The following MAP2 variants were observed in gnomAD, a reference collection of about 807,000 sequenced individuals.
MAP2 encodes the protein microtubule associated protein 2.
A neutral mutation model predicts 137.6 loss-of-function variants in MAP2; 14 were observed. The ratio of observed to expected loss-of-function variants is 0.10; its 90% confidence interval spans 0.07 to 0.16. MAP2 has a LOEUF of 0.16. Ranked by LOEUF, MAP2 falls within the 10% of genes least tolerant of loss-of-function variation. The pLI, the probability that MAP2 is intolerant of heterozygous loss-of-function variation, is 1.00. For synonymous variants in MAP2, 786 were observed against 782.3 expected, an observed-to-expected ratio of 1.00 and a Z score of -0.08; for missense variants, 2,088 against 2,191.5, an observed-to-expected ratio of 0.95 and a Z score of 0.94.
intron 1 of MAP2, among the ~76,000 whole-genome samples, chr2:209,438,460 CAT>C (rs1696911066): frequency 6.6e-6 from 1 of 151,634 alleles, no homozygotes. Flanking sequence ...GTGATTAAAA[CAT>C]AGTTTATTGT....
intron 4 of MAP2, among the ~76,000 whole-genome samples, chr2:209,634,300 A>G (rs2093365225): frequency 6.6e-6 from 1 of 152,162 alleles, no homozygotes; most frequent in South Asian, 2.1e-4. Context: ...CTTCAAACCA[A>G]AAGGATTAGC....
intron 3 of MAP2, among the ~76,000 whole-genome samples, chr2:209,583,977 A>C (rs889051441): frequency 6.6e-6 from 1 of 151,766 alleles, no homozygotes; most frequent in African/African-American, 2.4e-5. Flanking sequence ...CTTTATGTCC[A>C]CAATTACCGA....
intron 2 of MAP2, among the ~76,000 whole-genome samples, chr2:209,538,722 G>A (rs559100768): frequency 2.2e-4 from 33 of 151,918 alleles, no homozygotes; most frequent in Admixed American, 6.6e-4. Context: ...AAAACACATC[G>A]TGAAATCGAG....
chr2:209,468,444 C>T (rs1012861320), intron 1 of MAP2, among the ~76,000 whole-genome samples: 1 of 151,192 alleles, frequency 6.6e-6, no homozygotes, highest in Non-Finnish European at 1.5e-5. Flanking sequence ...CTCAGCCTCC[C>T]GGAGTAGCTG....
At chr2:209,509,127 T>C (rs1024662541) in intron 2 of MAP2, among the ~76,000 whole-genome samples, 2 of 152,022 alleles carry the variant, frequency 1.3e-5, no homozygotes, top group African/African-American at 4.8e-5. Flanking sequence ...CTTCCCTTCC[T>C]GATTTTTTTA....
chr2:209,440,817 G>C (rs963903428), intron 1 of MAP2, among the ~76,000 whole-genome samples: 1 of 151,446 alleles, frequency 6.6e-6, no homozygotes. Context: ...ACTGTGATGA[G>C]CCATGTTAGC....
chr2:209,527,971 A>G (rs554036483), intron 2 of MAP2, among the ~76,000 whole-genome samples: 4 of 152,272 alleles, frequency 2.6e-5, no homozygotes, highest in Non-Finnish European at 5.9e-5. Flanking sequence ...GAGATCCAAA[A>G]AGATTCATAT....
chr2:209,551,778 G>T (rs2069225870), intron 2 of MAP2, among the ~76,000 whole-genome samples: 1 of 152,004 alleles, frequency 6.6e-6, no homozygotes, highest in Non-Finnish European at 1.5e-5. Flanking sequence ...GAAAGAAAAG[G>T]GACTAACTAT....
chr2:209,491,157 T>C (rs1466865066), intron 1 of MAP2, among the ~76,000 whole-genome samples: 1 of 152,032 alleles, frequency 6.6e-6, no homozygotes, highest in East Asian at 1.9e-4. Context: ...CAAAACTGCA[T>C]AACTACAGGG....
intron 2 of MAP2, among the ~76,000 whole-genome samples, chr2:209,509,976 C>A (rs2061533896): frequency 6.7e-6 from 1 of 149,670 alleles, no homozygotes. Flanking sequence ...TTTTATGAAA[C>A]ACAATATTAC....
intron 3 of MAP2, among the ~76,000 whole-genome samples, chr2:209,583,810 A>T (rs571537151): frequency 1.7e-4 from 26 of 151,482 alleles, no homozygotes; most frequent in Middle Eastern, 6.8e-3. Context: ...CAGAGAGTAC[A>T]TGAAGGTTTG....
chr2:209,476,098 G>C (rs776210072), intron 1 of MAP2, among the ~76,000 whole-genome samples: 3 of 152,008 alleles, frequency 2.0e-5, no homozygotes, highest in African/African-American at 4.8e-5. Context: ...ATCCAGAATA[G>C]AGGAAGGTGC....
intron 3 of MAP2, among the ~76,000 whole-genome samples, chr2:209,616,671 G>C (rs572361020): frequency 6.6e-6 from 1 of 150,420 alleles, no homozygotes; most frequent in Admixed American, 6.6e-5. Context: ...TACCAAACAA[G>C]GGGTGTAGTG....
chr2:209,451,768 G>A (rs1188120346), intron 1 of MAP2, among the ~76,000 whole-genome samples: 1 of 152,172 alleles, frequency 6.6e-6, no homozygotes, highest in East Asian at 1.9e-4. Context: ...AAATAGCTCT[G>A]TCTGCAACAT....
At chr2:209,640,315 T>C (rs1332836572) in intron 4 of MAP2, among the ~76,000 whole-genome samples, 1 of 152,182 alleles carries the variant, frequency 6.6e-6, no homozygotes, top group Non-Finnish European at 1.5e-5. Flanking sequence ...TTCCTACTAC[T>C]TGATACACAG....
At chr2:209,484,427 C>T (rs1284727808) in intron 1 of MAP2, among the ~76,000 whole-genome samples, 2 of 152,014 alleles carry the variant, frequency 1.3e-5, no homozygotes, top group African/African-American at 4.8e-5. Context: ...CGCAGTGGCT[C>T]ACGCCCGTAA....
At chr2:209,526,183 G>A (rs2064015018) in intron 2 of MAP2, among the ~76,000 whole-genome samples, 1 of 152,100 alleles carries the variant, frequency 6.6e-6, no homozygotes, top group Non-Finnish European at 1.5e-5. Context: ...GATTAGCAAT[G>A]CCTACTTTTT....
chr2:209,517,758 GGA>G (rs1411546062), intron 2 of MAP2, among the ~76,000 whole-genome samples: 1 of 151,834 alleles, frequency 6.6e-6, no homozygotes, highest in African/African-American at 2.4e-5. Context: ...ACCACTTTAT[GGA>G]GTGGAAGGGC....
intron 5 of MAP2, among the ~76,000 whole-genome samples, chr2:209,662,707 A>G (rs535019140): frequency 1.3e-5 from 2 of 152,200 alleles, no homozygotes; most frequent in East Asian, 1.9e-4. Flanking sequence ...TAGCAAACAG[A>G]TGAAAGTAAT....
Sources: gnomAD v4.1 joint callset for allele counts (sites outside exome capture counted in the v4.1 genomes callset) on GRCh38, gnomAD v4.1.1 for gene constraint, MANE v1.5 for transcripts, NCBI Gene and HGNC (gene_info 2026-07-23, HGNC 2026-07-21) for gene names.